The following USP22 variants were observed in gnomAD, a reference collection of about 807,000 sequenced individuals.
USP22 encodes the protein ubiquitin carboxyl-terminal hydrolase 22.
A neutral mutation model predicts 68.1 loss-of-function variants in USP22; 22 were observed. That is an observed-to-expected ratio of 0.32 (90% CI 0.23 to 0.46). The LOEUF is 0.46. Ranked by LOEUF, USP22 falls within the 20% of genes least tolerant of loss-of-function variation. The probability of loss-of-function intolerance (pLI) is 1.00; values close to 1 mark genes in which losing one functional copy is unlikely to be tolerated. For missense variants in USP22, 433 were observed against 695.8 expected, an observed-to-expected ratio of 0.62 and a Z score of 4.25; for synonymous variants, 279 against 274.2, an observed-to-expected ratio of 1.02 and a Z score of -0.17.
intron 1 of USP22, among the ~76,000 whole-genome samples, chr17:21,041,769 T>C (rs558943051): frequency 3.9e-5 from 6 of 152,390 alleles, no homozygotes; most frequent in South Asian, 2.1e-4. Context: ...ATAAACTTTA[T>C]TCACATAGAA....
At chr17:21,005,116 C>T in intron 10 of USP22, 126 bp from the exon 11 acceptor site, 1 of 1,073,232 alleles carries the variant, frequency 9.3e-7, no homozygotes, top group Admixed American at 2.1e-5. Flanking sequence ...GCACTTTATG[C>T]TTCAGGCAGA....
chr17:21,007,038 T>C, intron 9 of USP22, 51 bp from the exon 10 acceptor site: 1 of 1,504,018 alleles, frequency 6.6e-7, no homozygotes, highest in Non-Finnish European at 9.0e-7. Context: ...ATCAGAAATG[T>C]CACTGGAAGC....
chr17:21,033,336 G>A (rs1972315669), intron 1 of USP22, among the ~76,000 whole-genome samples: 1 of 152,168 alleles, frequency 6.6e-6, no homozygotes, highest in South Asian at 2.1e-4. Flanking sequence ...AATTAGAAGA[G>A]GATCAATTAT....
rs1163194656 is a variant in USP22 at position 20,999,735 on chromosome 17, G to A, written c.*3296C>T. ...AAATAAAGTCTCCAACCACAGCACA[G>A]TCATTGGAATTTTTTTCTTCATTTT... On this transcript the variant is annotated 3_prime_UTR_variant, in exon 13 of 13. Coordinates refer to ENST00000261497, the MANE Select transcript of USP22 (RefSeq NM_015276.2). 2.0e-5 allele frequency: 3 copies of A among 152,190 alleles called. No homozygotes were observed. Among genetic ancestry groups the A allele is most frequent in the African/African-American group, 7.2e-5 (3 of 41,444 alleles). 9.4% of individuals were successfully genotyped at this position (152,190 alleles called of 1,614,324 possible). A position where few individuals can be genotyped will look rare whatever the true frequency, so the allele number is the denominator to read the frequency against.
chr17:21,040,441 T>A (rs1464105439), intron 1 of USP22, among the ~76,000 whole-genome samples: 2 of 152,228 alleles, frequency 1.3e-5, no homozygotes, highest in African/African-American at 4.8e-5. Flanking sequence ...CACTGCCAAC[T>A]GGCACTGCAG....
chr17:21,007,251 C>A (rs1328084642), intron 9 of USP22, among the ~76,000 whole-genome samples: 8 of 152,158 alleles, frequency 5.3e-5, no homozygotes, highest in African/African-American at 1.9e-4. Context: ...ACAGCAAACC[C>A]AGCAAAGCAC....
chr17:21,040,367 C>G (rs1972411088), intron 1 of USP22, among the ~76,000 whole-genome samples: 1 of 152,168 alleles, frequency 6.6e-6, no homozygotes, highest in African/African-American at 2.4e-5. Context: ...TGAAGTGATA[C>G]AGGTAAATAA....
At position 21,042,874 on chromosome 17, in the gene USP22, A is replaced by G. The variant is rs960287518; in HGVS notation, c.-39T>C. 2.5e-6 allele frequency: 3 copies of G among 1,219,914 alleles called. No individual in the cohort carries two copies. The highest frequency in any genetic ancestry group is 6.6e-5 in the East Asian group (2 of 30,260). The allele number at this position is 1,219,914 out of a possible 1,614,324, so 75.6% of individuals were successfully genotyped here. Reference sequence around the variant, plus strand: ...CGGCCGCGCGCGGGGGGCGGCGGCGAGGGAGGCGAGGACGACGCCAGCGCG... The same window carrying G: ...CGGCCGCGCGCGGGGGGCGGCGGCGGGGGAGGCGAGGACGACGCCAGCGCG... On this transcript the variant is annotated 5_prime_UTR_variant, in exon 1 of 13. Coordinates refer to ENST00000261497, the MANE Select transcript of USP22 (RefSeq NM_015276.2).
At chr17:21,005,050 G>A in intron 10 of USP22, 60 bp from the exon 11 acceptor site, 1 of 1,589,590 alleles carries the variant, frequency 6.3e-7, no homozygotes, top group Non-Finnish European at 8.6e-7. Context: ...GAGACACAAG[G>A]CTCTCGTGAA....
rs199719643 is a variant in USP22 at position 21,028,554 on chromosome 17, G to A, written c.292C>T (p.Arg98Trp). ...KHIHEHAKAK[R>W]HNLAIDLMYG... ...AAGCTCGCCTCACCCAGGTTGTGCCGCTTCGCCTTCGCATGCTCGTGAATA... is the reference window on the plus strand; with the variant it reads ...AAGCTCGCCTCACCCAGGTTGTGCCACTTCGCCTTCGCATGCTCGTGAATA... The change falls in exon 2 of 13, where the codon CGG (arginine) becomes TGG (tryptophan). Residue 98 changes from arginine (R) to tryptophan (W), a missense_variant. By Grantham distance (101) the Arg-to-Trp change is moderately radical (BLOSUM62 -3). Coordinates refer to ENST00000261497, the MANE Select transcript of USP22 (RefSeq NM_015276.2). 84 of 1,613,712 alleles carry A rather than the reference G, an allele frequency of 5.2e-5. No homozygotes were observed. The highest frequency in any genetic ancestry group is 2.2e-4 in the East Asian group (10 of 44,882).
chr17:21,016,861 C>T (rs567691462), intron 5 of USP22, among the ~76,000 whole-genome samples: 246 of 152,206 alleles, frequency 1.6e-3, no homozygotes, highest in Non-Finnish European at 2.3e-3. Context: ...ACTATGCATT[C>T]GTCGAAACTC....
intron 1 of USP22, chr17:21,042,409 GGAAA>G (rs1972448838): frequency 3.6e-6 from 1 of 277,776 alleles, no homozygotes; most frequent in African/African-American, 2.3e-5. Flanking sequence ...GGAGGGGGAG[GGAAA>G]GGAAGAATGG....
chr17:21,040,154 A>G (rs1396130006), intron 1 of USP22, among the ~76,000 whole-genome samples: 1 of 152,242 alleles, frequency 6.6e-6, no homozygotes, highest in African/African-American at 2.4e-5. Context: ...CATCCTGGGT[A>G]ACAGAGCAAG....
chr17:21,009,279 C>CA (rs1913873739), intron 8 of USP22, among the ~76,000 whole-genome samples: 1 of 152,010 alleles, frequency 6.6e-6, no homozygotes, highest in Non-Finnish European at 1.5e-5. Flanking sequence ...GAAACACCAG[C>CA]AAAAAATTCA....
chr17:21,018,227 A>AGAG, intron 4 of USP22, 116 bp from the exon 5 acceptor site: 5 of 1,011,106 alleles, frequency 4.9e-6, no homozygotes, highest in Non-Finnish European at 5.6e-6. Flanking sequence ...CATTCATTCA[A>AGAG]GCCAGAACAC....
At chr17:21,003,878 C>G (rs1218054182) in intron 12 of USP22, among the ~76,000 whole-genome samples, 1 of 133,164 alleles carries the variant, frequency 7.5e-6, no homozygotes, top group Admixed American at 8.3e-5. Flanking sequence ...CCAGCCTGGG[C>G]AACAAGAGCG....
At position 21,042,760 on chromosome 17, in the gene USP22, G is replaced by A; in HGVS notation, c.76C>T (p.Leu26=). 6.7e-7 allele frequency: 1 copy of A among 1,498,896 alleles called. No individual in the cohort carries two copies. Among genetic ancestry groups the A allele is most frequent in the Admixed American group, 2.0e-5 (1 of 49,636 alleles). 92.8% of individuals were successfully genotyped at this position (1,498,896 alleles called of 1,614,324 possible). ...CAGTTGTCCACCTTGAAGCTGCCCA[G>A]GTGCGAGCAGCCCGGCGGCGCTACC... The part of the protein sequence containing the change: ...LAVAPPGCSH[L]GSFKVDNWKQ... The change falls in exon 1 of 13, where the codon CTG becomes TTG. Residue 26 remains leucine (L), a synonymous_variant. Transcript: ENST00000261497.
At chr17:21,042,548 A>T in intron 1 of USP22, 117 bp downstream of exon 1, 1 of 999,738 alleles carries the variant, frequency 1.0e-6, no homozygotes, top group East Asian at 3.3e-5. Context: ...AGGAAGAGGA[A>T]GGACAGGGAA....
At chr17:21,017,008 T>A (rs1243524362) in intron 5 of USP22, among the ~76,000 whole-genome samples, 7 of 152,148 alleles carry the variant, frequency 4.6e-5, no homozygotes, top group African/African-American at 9.7e-5. Context: ...AGCTGCACCC[T>A]CCTTTCTCCT....
Sources: gnomAD v4.1 joint callset for allele counts (sites outside exome capture counted in the v4.1 genomes callset) on GRCh38, gnomAD v4.1.1 for gene constraint, MANE v1.5 for transcripts, NCBI Gene and HGNC (gene_info 2026-07-23, HGNC 2026-07-21) for gene names.